The following DPP10 variants were observed in gnomAD, a reference collection of about 807,000 sequenced individuals.
The protein encoded by DPP10 is dipeptidyl peptidase like 10.
In DPP10, 33 loss-of-function variants were observed where a neutral mutation model predicts 120.9. The ratio of observed to expected loss-of-function variants is 0.27; its 90% CI spans 0.21 to 0.37. DPP10 has a LOEUF of 0.37. Among genes scored for constraint, DPP10 ranks in the 10% least tolerant of loss-of-function variants. The pLI, the probability that DPP10 is intolerant of heterozygous loss-of-function variation, is 1.00. For synonymous variants in DPP10, 337 were observed against 326.1 expected (o/e 1.03, Z -0.36); for missense variants, 816 against 942.8 (o/e 0.87, Z 1.76).
intron 5 of DPP10, among the ~76,000 whole-genome samples, chr2:115,674,040 T>C (rs950988927): frequency 6.6e-6 from 1 of 152,008 alleles, no homozygotes; most frequent in Non-Finnish European, 1.5e-5. Flanking sequence ...GGAGAAACTC[T>C]GTCTCTACAA....
intron 1 of DPP10, among the ~76,000 whole-genome samples, chr2:115,011,887 A>T (rs1215655504): frequency 2.0e-5 from 3 of 151,740 alleles, no homozygotes; most frequent in Non-Finnish European, 4.4e-5. Flanking sequence ...TCTGGGGCCA[A>T]TTCTCAGCCC....
chr2:115,717,014 C>A (rs1033195500), intron 7 of DPP10, among the ~76,000 whole-genome samples: 6 of 152,164 alleles, frequency 3.9e-5, no homozygotes, highest in Admixed American at 2.0e-4. Flanking sequence ...AGTTACAATA[C>A]AAATGTAAAA....
chr2:115,564,044 A>ATC (rs890695003), intron 5 of DPP10, among the ~76,000 whole-genome samples: 1 of 152,064 alleles, frequency 6.6e-6, no homozygotes, highest in Non-Finnish European at 1.5e-5. Context: ...CTCTTTTTGA[A>ATC]TCTCTCTCTC....
intron 1 of DPP10, among the ~76,000 whole-genome samples, chr2:114,501,773 C>G (rs781708569): frequency 1.2e-4 from 18 of 152,064 alleles, no homozygotes; most frequent in Non-Finnish European, 2.4e-4. Context: ...GCTCATGAAG[C>G]TGTATCTCGG....
intron 1 of DPP10, among the ~76,000 whole-genome samples, chr2:114,641,654 C>G (rs1222579808): frequency 6.6e-6 from 1 of 151,906 alleles, no homozygotes; most frequent in Non-Finnish European, 1.5e-5. Flanking sequence ...TAAGTATTCT[C>G]TAATGAGGAA....
chr2:114,724,316 C>T (rs1460636678), intron 1 of DPP10, among the ~76,000 whole-genome samples: 2 of 152,176 alleles, frequency 1.3e-5, no homozygotes, highest in African/African-American at 2.4e-5. Context: ...AGTTCAATAA[C>T]GTATAATCAA....
At chr2:114,653,597 C>G (rs1416907758) in intron 1 of DPP10, among the ~76,000 whole-genome samples, 1 of 152,102 alleles carries the variant, frequency 6.6e-6, no homozygotes, top group African/African-American at 2.4e-5. Flanking sequence ...AACATTTGAT[C>G]CATGCATTTG....
intron 1 of DPP10, among the ~76,000 whole-genome samples, chr2:115,286,772 C>G (rs2060423499): frequency 6.6e-6 from 1 of 150,662 alleles, no homozygotes; most frequent in South Asian, 2.1e-4. Context: ...GTCTGGACTC[C>G]CCATTAAAAA....
chr2:115,037,174 A>G (rs1422417116), intron 1 of DPP10, among the ~76,000 whole-genome samples: 1 of 152,152 alleles, frequency 6.6e-6, no homozygotes, highest in African/African-American at 2.4e-5. Flanking sequence ...AAATTGTCTT[A>G]ATATTAATAG....
chr2:115,633,457 G>A (rs1454407216), intron 5 of DPP10, among the ~76,000 whole-genome samples: 2 of 152,136 alleles, frequency 1.3e-5, no homozygotes, highest in Non-Finnish European at 2.9e-5. Flanking sequence ...GGGAAGGATA[G>A]CATTAGGAGA....
chr2:115,309,326 A>T lies in DPP10; in HGVS notation c.148A>T (p.Thr50Ser). The T allele has an allele frequency of 1.2e-6, 2 of 1,613,338 alleles. No homozygotes were observed. Among genetic ancestry groups the T allele is most frequent in the Non-Finnish European group, 1.7e-6 (2 of 1,179,534 alleles). ...GATTTTAGTTGTATGCTCACTCATC[A>T]CTATGTCAGTCATCCTCTTAACCCC... is the stretch of plus-strand genomic sequence containing the variant. ...LVILVVCSLITMSVILLTPDE... is the reference protein window; with the variant it reads ...LVILVVCSLISMSVILLTPDE... The change falls in exon 2 of 26, where the codon ACT becomes TCT. Residue 50 changes from threonine to serine, a missense_variant. By Grantham distance (58) the Thr-to-Ser change is moderately conservative (BLOSUM62 1). Transcript: ENST00000410059.
In DPP10 at chr2:115,659,700, T is replaced by C. The variant is rs576094616; in HGVS notation, c.442-29987T>C. 1.5e-3 allele frequency among the ~76,000 whole-genome samples: 227 copies of C among 152,284 alleles called. 1 individual carries two copies. The highest frequency in any genetic ancestry group is 3.3e-3 in the South Asian group (16 of 4,826). On this transcript the variant is annotated intron_variant, in intron 5 of 25. Transcript: ENST00000410059. ...ATAATAAGGTAGGTTTTTGTATGTC[T>C]AATATACAGAGAAATTTCCAAAGAC...
intron 1 of DPP10, among the ~76,000 whole-genome samples, chr2:114,986,766 GTTTT>G (rs1289231405): frequency 6.6e-6 from 1 of 152,002 alleles, no homozygotes; most frequent in African/African-American, 2.4e-5. Flanking sequence ...TGTAGGACAG[GTTTT>G]TTTGTTTGTT....
At chr2:115,425,810 G>T (rs2070402594) in intron 3 of DPP10, among the ~76,000 whole-genome samples, 1 of 152,172 alleles carries the variant, frequency 6.6e-6, no homozygotes, top group African/African-American at 2.4e-5. Context: ...CATAGCACGG[G>T]CATCTGCTCA....
chr2:114,976,781 C>G (rs1022014681), intron 1 of DPP10, among the ~76,000 whole-genome samples: 3 of 152,046 alleles, frequency 2.0e-5, no homozygotes, highest in Non-Finnish European at 4.4e-5. Flanking sequence ...ATTTATTGTG[C>G]CTATTTAGTT....
At chr2:115,447,612 T>C (rs1468150156) in intron 3 of DPP10, among the ~76,000 whole-genome samples, 3 of 152,026 alleles carry the variant, frequency 2.0e-5, no homozygotes, top group Admixed American at 2.0e-4. Flanking sequence ...AGTGAGAGAG[T>C]TCTCATAGGA....
At chr2:114,615,250 G>A (rs1469507987) in intron 1 of DPP10, among the ~76,000 whole-genome samples, 1 of 151,888 alleles carries the variant, frequency 6.6e-6, no homozygotes, top group Non-Finnish European at 1.5e-5. Context: ...TTCTTTTCTT[G>A]TTCCACAAAC....
intron 5 of DPP10, among the ~76,000 whole-genome samples, chr2:115,623,533 G>A (rs574790882): frequency 6.6e-6 from 1 of 152,226 alleles, no homozygotes; most frequent in African/African-American, 2.4e-5. Context: ...TTATATGCCA[G>A]TGGCTGTGTT....
chr2:115,780,627 G>T (rs924583288), intron 15 of DPP10, among the ~76,000 whole-genome samples: 1 of 151,614 alleles, frequency 6.6e-6, no homozygotes, highest in Admixed American at 6.6e-5. Context: ...ATACATACAA[G>T]TGTACATATT....
Sources: allele counts gnomAD v4.1 joint callset (sites outside exome capture counted in the v4.1 genomes callset), GRCh38; gene constraint gnomAD v4.1.1; transcripts MANE v1.5; gene names NCBI Gene and HGNC (gene_info 2026-07-23, HGNC 2026-07-21).